The following GNL3L variants were observed in gnomAD, a reference collection of about 807,000 sequenced individuals.
The protein encoded by GNL3L is guanine nucleotide-binding protein-like 3-like protein.
A neutral mutation model predicts 42.9 loss-of-function variants in GNL3L; 4 were observed. The ratio of observed to expected loss-of-function variants is 0.09; its 90% CI spans 0.05 to 0.21. The LOEUF (loss-of-function observed/expected upper bound fraction) is 0.21. GNL3L is among the 10% of genes least tolerant of loss of function. GNL3L has a pLI of 1.00. For synonymous variants in GNL3L, 159 were observed against 176.3 expected (o/e 0.90, Z 0.78); for missense variants, 412 against 481.7 (o/e 0.86, Z 1.36).
At chrX:54,569,970 C>A (rs1393424750), downstream of GNL3L, among the ~76,000 whole-genome samples, 2 of 110,957 alleles carry the variant, frequency 1.8e-5, no homozygotes, top group East Asian at 5.6e-4. Context: ...GTTTCATGGC[C>A]CAGAATATGG....
intron 5 of GNL3L, among the ~76,000 whole-genome samples, chrX:54,542,736 T>G (rs1924660417): frequency 8.9e-6 from 1 of 111,902 alleles, no homozygotes; most frequent in African/African-American, 3.2e-5. Context: ...TGTTCCTATT[T>G]CTTCACATCC....
the GNL3L span, among the ~76,000 whole-genome samples, chrX:54,627,149 C>T: frequency 9.0e-6 from 1 of 110,657 alleles, no homozygotes; most frequent in African/African-American, 3.3e-5. Context: ...GCTGGGACTA[C>T]AGATGTGCGC....
At chrX:54,577,988 C>G (rs1258734369) in intron 16 of GNL3L, among the ~76,000 whole-genome samples, 1 of 111,497 alleles carries the variant, frequency 9.0e-6, no homozygotes, top group Non-Finnish European at 1.9e-5. Flanking sequence ...AGCAATCTGC[C>G]TGCCTCGGCC....
At chrX:54,607,656 C>A (rs1001087626) in intron 16 of GNL3L, among the ~76,000 whole-genome samples, 23 of 111,131 alleles carry the variant, frequency 2.1e-4, no homozygotes, top group African/African-American at 7.5e-4. Flanking sequence ...AAAATGTTAA[C>A]AGATTATAAC....
At chrX:54,582,545 C>T (rs1245388787) in intron 16 of GNL3L, among the ~76,000 whole-genome samples, 1 of 111,896 alleles carries the variant, frequency 8.9e-6, no homozygotes, top group Admixed American at 9.5e-5. Context: ...CCATTCTGTT[C>T]GATGTGTAGT....
chrX:54,547,143 C>T lies in GNL3L; in HGVS notation c.631-1086C>T, dbSNP rs775159449. Among the ~76,000 whole-genome samples, 11 of 106,595 alleles carry T rather than the reference C, an allele frequency of 1.0e-4. No homozygotes were observed. In the South Asian group the frequency reaches 4.7e-3, roughly 46 times the overall value. 92.6% of individuals were successfully genotyped at this position (106,595 alleles called of 115,157 possible). On this transcript the variant is annotated intron_variant, in intron 8 of 15. Coordinates refer to ENST00000360845, the MANE Select transcript of GNL3L (RefSeq NM_001184819.2). ...TCCCGAGTAGCTGGGATTACAGGTG[C>T]GTGCCACCACACCCAGCTAATTTTT...
At chrX:54,548,634 A>G (rs1055490262) in intron 9 of GNL3L, among the ~76,000 whole-genome samples, 1 of 110,974 alleles carries the variant, frequency 9.0e-6, no homozygotes, top group East Asian at 2.8e-4. Flanking sequence ...GTGACCGTCT[A>G]CCTTTTACGG....
Position 54,543,032 on chromosome X carries a change from C to A in GNL3L, c.384C>A (p.Phe128Leu). 1.7e-6 allele frequency: 2 copies of A among 1,156,983 alleles called. No individual in the cohort carries two copies. Among genetic ancestry groups the A allele is most frequent in the Non-Finnish European group, 2.4e-6 (2 of 845,653 alleles). ...EATRKAYYKE[F>L]RKVVEYSDVI... ...CGAGGAAGGCTTATTACAAGGAGTTCCGTAAGGTACAGGGTTCCATTTCTT... is the reference window on the plus strand; with the variant it reads ...CGAGGAAGGCTTATTACAAGGAGTTACGTAAGGTACAGGGTTCCATTTCTT... The change falls in exon 6 of 16, where the codon TTC (phenylalanine) becomes TTA (leucine). Residue 128 changes from phenylalanine (F) to leucine (L), a missense_variant. Physicochemically the swap from Phe to Leu is conservative, Grantham distance 22 (BLOSUM62 0). Transcript: ENST00000360845.
chrX:54,595,619 T>G (rs1443960498), intron 16 of GNL3L, among the ~76,000 whole-genome samples: 4 of 111,745 alleles, frequency 3.6e-5, no homozygotes, highest in Non-Finnish European at 7.5e-5. Context: ...TGAATTAACT[T>G]TCTACTCCTA....
the GNL3L span, among the ~76,000 whole-genome samples, chrX:54,634,441 A>G: frequency 9.0e-6 from 1 of 110,742 alleles, no homozygotes; most frequent in Non-Finnish European, 1.9e-5. Flanking sequence ...AGCTGGGATT[A>G]CAGGCATGTG....
chrX:54,588,161 G>C (rs551518527), intron 16 of GNL3L, among the ~76,000 whole-genome samples: 1 of 111,692 alleles, frequency 9.0e-6, no homozygotes, highest in South Asian at 3.7e-4. Context: ...TGCAAATTTG[G>C]ACAGCTTTAT....
chrX:54,636,162 C>G, the GNL3L span, among the ~76,000 whole-genome samples: 1 of 111,757 alleles, frequency 8.9e-6, no homozygotes, highest in African/African-American at 3.3e-5. Context: ...TTATGTCAGT[C>G]TTTTAGCCCC....
At chrX:54,635,725 G>A in the GNL3L span, among the ~76,000 whole-genome samples, 1,009 of 104,571 alleles carry the variant, frequency 9.6e-3, 12 homozygotes, top group African/African-American at 0.033. Flanking sequence ...TTCCTTGAAT[G>A]TCAGGAACTA....
chrX:54,533,550 C>A (rs960731859), intron 2 of GNL3L, among the ~76,000 whole-genome samples: 6 of 111,039 alleles, frequency 5.4e-5, no homozygotes, highest in Non-Finnish European at 9.4e-5. Context: ...ATAAAAATGT[C>A]ATCAAGAATC....
chrX:54,586,952 C>A (rs1925791123), intron 16 of GNL3L, among the ~76,000 whole-genome samples: 1 of 111,946 alleles, frequency 8.9e-6, no homozygotes, highest in Admixed American at 9.5e-5. Flanking sequence ...GGTTTGGAGA[C>A]AAGGCCAACC....
At chrX:54,634,939 C>G in the GNL3L span, among the ~76,000 whole-genome samples, 2 of 107,384 alleles carry the variant, frequency 1.9e-5, no homozygotes, top group South Asian at 4.2e-4. Flanking sequence ...TTACAGGTGC[C>G]CGCCACCATG....
rs1569542632 is a variant in GNL3L, at chrX:54,607,089, CT to C, written c.*46-13753del. On this transcript the variant is annotated intron_variant, in intron 16 of 16. Transcript: ENST00000674498. ...CTTTCTTTCTCTTTCTTTCTTCTTTCTTTCTTTCTTTCTTTCTTTCTTTCTT... is the reference window on the plus strand; with the variant it reads ...CTTTCTTTCTCTTTCTTTCTTCTTTCTTCTTTCTTTCTTTCTTTCTTTCTT... Among the ~76,000 whole-genome samples the C allele has an allele frequency of 4.3e-4, 19 of 43,914 alleles. 1 individual carries two copies. Among genetic ancestry groups the C allele is most frequent in the African/African-American group, 1.9e-3 (16 of 8,574 alleles). 38.1% of individuals were successfully genotyped at this position (43,914 alleles called of 115,157 possible).
intron 16 of GNL3L, among the ~76,000 whole-genome samples, chrX:54,593,464 T>C (rs1252489846): frequency 8.9e-6 from 1 of 111,808 alleles, no homozygotes. Context: ...GTATCAGTTG[T>C]AATATCTCCT....
rs1288107083 is a variant in GNL3L at position 54,551,824 on chromosome X, T to C, written c.1039-8T>C. ...CCTCATGACTTCTCTCCTTCCTCCC[T>C]TCACCAGATTTCCAACTATTATGGC... On this transcript the variant is annotated splice_region_variant and splice_polypyrimidine_tract_variant and intron_variant, in intron 11 of 15. Transcript: ENST00000360845. The C allele has an allele frequency of 8.3e-7, 1 of 1,211,450 alleles. No individual in the cohort carries two copies. The highest frequency in any genetic ancestry group is 3.0e-5 in the East Asian group (1 of 33,834).
Sources: allele counts gnomAD v4.1 joint callset (sites outside exome capture counted in the v4.1 genomes callset), GRCh38; gene constraint gnomAD v4.1.1; transcripts MANE v1.5; gene names NCBI Gene and HGNC (gene_info 2026-07-23, HGNC 2026-07-21).